CNTN5: variants seen among roughly 807,000 people sequenced by gnomAD.
CNTN5 encodes the protein contactin-5.
A neutral mutation model predicts 129.1 loss-of-function variants in CNTN5; 77 were observed. That is an observed-to-expected ratio of 0.60 (90% CI 0.50 to 0.72). CNTN5 has a LOEUF of 0.72. CNTN5 is among the 30% of genes least tolerant of loss of function. CNTN5 has a pLI of 0.00. For synonymous variants in CNTN5, 509 were observed against 465.6 expected, an observed-to-expected ratio of 1.09 and a Z score of -1.20; for missense variants, 1,478 against 1,328.8, an observed-to-expected ratio of 1.11 and a Z score of -1.75.
chr11:100,027,330 T>C (rs1336035767), intron 9 of CNTN5, among the ~76,000 whole-genome samples: 1 of 152,240 alleles, frequency 6.6e-6, no homozygotes, highest in Non-Finnish European at 1.5e-5. Flanking sequence ...AAACATTTTA[T>C]TCTTTCAGTT....
intron 3 of CNTN5, among the ~76,000 whole-genome samples, chr11:99,811,129 G>A (rs1391450096): frequency 6.6e-6 from 1 of 151,996 alleles, no homozygotes; most frequent in Non-Finnish European, 1.5e-5. Flanking sequence ...TCACTCTTCT[G>A]TACCAGTAAA....
At chr11:99,252,207 C>T (rs964272136) in intron 1 of CNTN5, among the ~76,000 whole-genome samples, 4 of 151,868 alleles carry the variant, frequency 2.6e-5, no homozygotes, top group East Asian at 1.9e-4. Flanking sequence ...CTCATCTTTT[C>T]GTATACACCC....
chr11:99,104,316 C>T (rs567823462), intron 1 of CNTN5, among the ~76,000 whole-genome samples: 1 of 152,098 alleles, frequency 6.6e-6, no homozygotes, highest in African/African-American at 2.4e-5. Flanking sequence ...CTGTCCTGTG[C>T]ATTTTTGGAT....
chr11:99,247,257 A>G (rs941236402), intron 1 of CNTN5, among the ~76,000 whole-genome samples: 1 of 152,076 alleles, frequency 6.6e-6, no homozygotes, highest in Non-Finnish European at 1.5e-5. Context: ...CTCCATTTAA[A>G]GATATAATTT....
At chr11:99,836,599 A>C (rs1947315118) in intron 4 of CNTN5, among the ~76,000 whole-genome samples, 1 of 152,194 alleles carries the variant, frequency 6.6e-6, no homozygotes, top group East Asian at 1.9e-4. Flanking sequence ...GCCACAGTAA[A>C]CATACGTGTG....
At chr11:99,224,892 A>T (rs1477345583) in intron 1 of CNTN5, among the ~76,000 whole-genome samples, 1 of 151,992 alleles carries the variant, frequency 6.6e-6, no homozygotes, top group African/African-American at 2.4e-5. Flanking sequence ...GAAAAACTGG[A>T]AGGTGGACTC....
chr11:99,685,472 G>A (rs947404974), intron 3 of CNTN5, among the ~76,000 whole-genome samples: 27 of 151,670 alleles, frequency 1.8e-4, no homozygotes, highest in African/African-American at 6.3e-4. Flanking sequence ...ATATTCCACT[G>A]TTGTTGTCAA....
At chr11:99,938,331 C>A (rs1950360693) in intron 7 of CNTN5, among the ~76,000 whole-genome samples, 1 of 148,788 alleles carries the variant, frequency 6.7e-6, no homozygotes, top group Non-Finnish European at 1.5e-5. Flanking sequence ...TGAAGATAAA[C>A]AATAATATTA....
chr11:99,161,598 T>G (rs1486249418), intron 1 of CNTN5, among the ~76,000 whole-genome samples: 1 of 152,190 alleles, frequency 6.6e-6, no homozygotes, highest in Non-Finnish European at 1.5e-5. Flanking sequence ...AGCTTCCTGA[T>G]GACATTATGG....
At chr11:99,762,431 T>C (rs1326203826) in intron 3 of CNTN5, among the ~76,000 whole-genome samples, 2 of 151,986 alleles carry the variant, frequency 1.3e-5, no homozygotes, top group Non-Finnish European at 2.9e-5. Context: ...CCATCTTGAA[T>C]TGATTTTTGT....
At chr11:99,201,803 A>G (rs1859223232) in intron 1 of CNTN5, among the ~76,000 whole-genome samples, 1 of 152,186 alleles carries the variant, frequency 6.6e-6, no homozygotes, top group Non-Finnish European at 1.5e-5. Flanking sequence ...GAAGGAGCAA[A>G]GGGCAAGGAA....
intron 1 of CNTN5, among the ~76,000 whole-genome samples, chr11:99,201,054 T>A (rs537354551): frequency 7.6e-6 from 1 of 131,126 alleles, no homozygotes; most frequent in African/African-American, 2.9e-5. Context: ...TTCCAGAGTC[T>A]TGACCTGTCG....
At chr11:99,940,597 T>G (rs1950412815) in intron 7 of CNTN5, among the ~76,000 whole-genome samples, 1 of 152,134 alleles carries the variant, frequency 6.6e-6, no homozygotes, top group African/African-American at 2.4e-5. Flanking sequence ...CATATGCATT[T>G]TCATCTCTTC....
intron 1 of CNTN5, among the ~76,000 whole-genome samples, chr11:99,023,883 A>G (rs892372275): frequency 1.3e-5 from 2 of 152,160 alleles, no homozygotes; most frequent in Non-Finnish European, 2.9e-5. Context: ...CCAGGAGTTG[A>G]TTTTATCTCT....
chr11:99,233,850 G>T (rs1861132277), intron 1 of CNTN5, among the ~76,000 whole-genome samples: 1 of 152,138 alleles, frequency 6.6e-6, no homozygotes, highest in African/African-American at 2.4e-5. Flanking sequence ...GGAGGCTGAG[G>T]CAGGAGAATG....
At chr11:99,060,988 A>G (rs1183743470) in intron 1 of CNTN5, among the ~76,000 whole-genome samples, 4 of 151,526 alleles carry the variant, frequency 2.6e-5, no homozygotes, top group Non-Finnish European at 4.4e-5. Flanking sequence ...CCAAACTCCA[A>G]CCCCTCTGGA....
chr11:99,838,017 A>G (rs1410707382), intron 4 of CNTN5, among the ~76,000 whole-genome samples: 2 of 152,148 alleles, frequency 1.3e-5, no homozygotes, highest in African/African-American at 2.4e-5. Context: ...GTCAATTTCT[A>G]TAAGTTAAAT....
In CNTN5 at chr11:99,037,580, T is replaced by TTC. The variant is rs1555023997; in HGVS notation, c.-210+16311_-210+16312insCT. 5.8e-5 allele frequency among the ~76,000 whole-genome samples: 7 copies of TTC among 121,630 alleles called. No homozygotes were observed. In the East Asian group the frequency reaches 9.7e-4, roughly 17 times the overall value. 79.8% of individuals were successfully genotyped at this position (121,630 alleles called of 152,430 possible). The stretch of plus-strand genomic sequence containing the variant: ...TTTTTCCTTCTTTTTTCTTTTCTTT[T>TTC]TTTTTTTTTTTTTTTTTTAACATGG... On this transcript the variant is annotated intron_variant, in intron 1 of 24. Coordinates refer to ENST00000524871, the MANE Select transcript of CNTN5 (RefSeq NM_014361.4).
At chr11:99,841,993 T>C (rs1385575883) in intron 4 of CNTN5, among the ~76,000 whole-genome samples, 5 of 151,752 alleles carry the variant, frequency 3.3e-5, no homozygotes, top group Non-Finnish European at 5.9e-5. Context: ...TTCAAGCGAT[T>C]CTCCTGCCTC....
Sources: allele counts gnomAD v4.1 joint callset (sites outside exome capture counted in the v4.1 genomes callset), GRCh38; gene constraint gnomAD v4.1.1; transcripts MANE v1.5; gene names NCBI Gene and HGNC (gene_info 2026-07-23, HGNC 2026-07-21).